NEGR1: variants seen among roughly 807,000 people sequenced by gnomAD.
NEGR1 encodes neuronal growth regulator 1, also known as IgLON family member 4.
A neutral mutation model predicts 40.9 loss-of-function variants in NEGR1; 10 were observed. That is an observed-to-expected ratio of 0.24 (90% confidence interval 0.15 to 0.42). The LOEUF (loss-of-function observed/expected upper bound fraction) is 0.42. Ranked by LOEUF, NEGR1 falls within the 10% of genes least tolerant of loss-of-function variation. The pLI is 1.00. For synonymous variants in NEGR1, 185 were observed against 166.8 expected, an observed-to-expected ratio of 1.11 and a Z score of -0.84; for missense variants, 352 against 438.9, an observed-to-expected ratio of 0.80 and a Z score of 1.77.
rs1054881916 is a variant in NEGR1, at chr1:71,425,532, C to T, written c.941-17962G>A. On this transcript the variant is annotated intron_variant, in intron 6 of 6. Transcript: ENST00000357731. ...AATAATCATCATCCACTTATAAATC[C>T]GGGATTACTCCAATTTCATGCTGAG... Among the ~76,000 whole-genome samples the T allele has an allele frequency of 2.6e-5, 4 of 152,002 alleles. No homozygotes were observed. The East Asian group carries it at 7.7e-4, about 29-fold the overall frequency.
At chr1:71,725,797 A>C (rs1280291661) in intron 3 of NEGR1, among the ~76,000 whole-genome samples, 2 of 151,996 alleles carry the variant, frequency 1.3e-5, no homozygotes, top group African/African-American at 4.8e-5. Context: ...CATAGTTTCT[A>C]GTTTTTATTT....
At chr1:72,132,890 C>T (rs1650311127) in intron 1 of NEGR1, among the ~76,000 whole-genome samples, 2 of 151,680 alleles carry the variant, frequency 1.3e-5, no homozygotes, top group Non-Finnish European at 2.9e-5. Context: ...GATTTTTTTT[C>T]CATATTAAAC....
intron 6 of NEGR1, among the ~76,000 whole-genome samples, chr1:71,547,417 C>T (rs561439662): frequency 5.3e-5 from 8 of 151,854 alleles, no homozygotes; most frequent in African/African-American, 1.9e-4. Context: ...AAGGGATAGG[C>T]TGTTTCTGCT....
intron 1 of NEGR1, among the ~76,000 whole-genome samples, chr1:72,242,436 C>A (rs2100516271): frequency 6.6e-6 from 1 of 151,640 alleles, no homozygotes. Context: ...CTACCCTGTT[C>A]ACTGAGCTAT....
intron 6 of NEGR1, among the ~76,000 whole-genome samples, chr1:71,565,820 G>T (rs2101486230): frequency 6.6e-6 from 1 of 152,224 alleles, no homozygotes; most frequent in South Asian, 2.1e-4. Context: ...GCCTTTAATA[G>T]ATTTATACAA....
chr1:72,002,349 T>C (rs1203995243), intron 1 of NEGR1, among the ~76,000 whole-genome samples: 2 of 152,142 alleles, frequency 1.3e-5, no homozygotes, highest in Non-Finnish European at 2.9e-5. Context: ...TTTTAAAGTA[T>C]AGCAAGGTGC....
intron 1 of NEGR1, among the ~76,000 whole-genome samples, chr1:71,986,716 C>T (rs560408725): frequency 1.3e-5 from 2 of 152,210 alleles, no homozygotes; most frequent in African/African-American, 2.4e-5. Context: ...AGACCTTTCC[C>T]TGATATCCTG....
chr1:71,740,205 G>A (rs956402939), intron 3 of NEGR1, among the ~76,000 whole-genome samples: 6 of 152,090 alleles, frequency 3.9e-5, no homozygotes, highest in Admixed American at 6.6e-5. Flanking sequence ...GAAGGCAGTC[G>A]AAACGTTTTG....
intron 1 of NEGR1, among the ~76,000 whole-genome samples, chr1:72,044,253 T>C (rs1646981261): frequency 6.7e-6 from 1 of 148,626 alleles, no homozygotes; most frequent in African/African-American, 2.5e-5. Flanking sequence ...GAGAAATTCC[T>C]ACCAAAGAAA....
intron 6 of NEGR1, among the ~76,000 whole-genome samples, chr1:71,561,973 G>A (rs1174069723): frequency 7.1e-6 from 1 of 140,490 alleles, no homozygotes; most frequent in African/African-American, 2.6e-5. Flanking sequence ...CATACTTTTG[G>A]CTCAATTGCA....
intron 1 of NEGR1, among the ~76,000 whole-genome samples, chr1:71,971,007 C>A (rs1212277840): frequency 2.0e-5 from 3 of 152,096 alleles, no homozygotes; most frequent in Non-Finnish European, 2.9e-5. Flanking sequence ...AGTTAAACAT[C>A]CTGACATGAA....
chr1:72,275,221 T>A (rs1227411992), intron 1 of NEGR1: 8 of 593,228 alleles, frequency 1.3e-5, no homozygotes, highest in Admixed American at 8.9e-5. Context: ...TATCAAAAAA[T>A]TTCTATTATT....
chr1:71,414,424 A>G (rs759685735), intron 6 of NEGR1, among the ~76,000 whole-genome samples: 9 of 152,182 alleles, frequency 5.9e-5, no homozygotes, highest in Admixed American at 1.3e-4. Flanking sequence ...GGTAGAGATT[A>G]GGAGAGAAAA....
At chr1:71,756,884 A>C (rs1304023977) in intron 3 of NEGR1, among the ~76,000 whole-genome samples, 1 of 152,076 alleles carries the variant, frequency 6.6e-6, no homozygotes, top group Non-Finnish European at 1.5e-5. Context: ...AGGTGAAAAA[A>C]ACCCTCAAAA....
At position 71,707,456 on chromosome 1, in the gene NEGR1, A is replaced by T. The variant is rs1047139070; in HGVS notation, c.536-9317T>A. ...AAGAGTGGGAAGAACTGTGTCTTTC[A>T]GTTTGAGTGCCAGCTTAGCCAGAAT... On this transcript the variant is annotated intron_variant, in intron 3 of 6. Coordinates refer to ENST00000357731, the MANE Select transcript of NEGR1 (RefSeq NM_173808.3). Among the ~76,000 whole-genome samples, 4 of 152,094 alleles carry T rather than the reference A, an allele frequency of 2.6e-5. No individual in the cohort carries two copies. The South Asian group carries it at 8.3e-4, about 31-fold the overall frequency.
chr1:72,154,432 G>A (rs1027594564), intron 1 of NEGR1, among the ~76,000 whole-genome samples: 1 of 151,794 alleles, frequency 6.6e-6, no homozygotes, highest in Non-Finnish European at 1.5e-5. Context: ...AGTGTAACTC[G>A]GAAAGCTCTC....
Position 71,909,790 on chromosome 1 carries a change from A to T in NEGR1, c.409+25289T>A, listed in dbSNP as rs141226761. On this transcript the variant is annotated intron_variant, in intron 2 of 6. Coordinates refer to ENST00000357731, the MANE Select transcript of NEGR1 (RefSeq NM_173808.3). ...ATTAGAATTTACAAACATTGTGAAG[A>T]CCGAATCAATACATTAATATTGAGG... 2.5e-3 allele frequency among the ~76,000 whole-genome samples: 376 copies of T among 152,324 alleles called. 9 individuals carry two copies. The East Asian group carries it at 0.049, about 20-fold the overall frequency.
At chr1:71,972,102 A>C (rs1646261320) in intron 1 of NEGR1, among the ~76,000 whole-genome samples, 2 of 152,384 alleles carry the variant, frequency 1.3e-5, no homozygotes, top group South Asian at 2.1e-4. Context: ...GTGATAACAC[A>C]TAATTGTATG....
At chr1:71,942,485 T>TATATATATATA (rs61271690) in intron 1 of NEGR1, among the ~76,000 whole-genome samples, 8 of 5,002 alleles carry the variant, frequency 1.6e-3, no homozygotes, top group Admixed American at 4.2e-3. Flanking sequence ...ATATATATAT[T>TATATATATATA]TTTTTTTTTT....
Sources: gnomAD v4.1 joint callset for allele counts (sites outside exome capture counted in the v4.1 genomes callset) on GRCh38, gnomAD v4.1.1 for gene constraint, MANE v1.5 for transcripts, NCBI Gene and HGNC (gene_info 2026-07-23, HGNC 2026-07-21) for gene names.